Variants in CDC42SE2 observed in about 807,000 individuals in gnomAD.
CDC42SE2 encodes CDC42 small effector 2.
In CDC42SE2, 3 loss-of-function variants were observed where a neutral mutation model predicts 11.5. That is an observed-to-expected ratio of 0.26 (90% CI 0.12 to 0.67). The LOEUF (loss-of-function observed/expected upper bound fraction) is 0.67, where lower values mean the gene tolerates loss of function less well. Among genes scored for constraint, CDC42SE2 ranks in the 30% least tolerant of loss-of-function variants. The probability of loss-of-function intolerance (pLI) is 0.80; values close to 1 mark genes in which losing one functional copy is unlikely to be tolerated. For missense variants in CDC42SE2, 82 were observed against 106.8 expected, an observed-to-expected ratio of 0.77 and a Z score of 1.02; for synonymous variants, 33 against 34.8, an observed-to-expected ratio of 0.95 and a Z score of 0.18.
the CDC42SE2 span, among the ~76,000 whole-genome samples, chr5:131,222,950 C>T: frequency 6.6e-6 from 1 of 152,238 alleles, no homozygotes; most frequent in African/African-American, 2.4e-5. Flanking sequence ...CTCCAGCCCT[C>T]TCACCCTGAA....
intron 1 of CDC42SE2, among the ~76,000 whole-genome samples, chr5:131,297,491 G>A (rs958784617): frequency 2.6e-5 from 4 of 151,978 alleles, no homozygotes; most frequent in Admixed American, 6.6e-5. Flanking sequence ...AGGCCGAGGC[G>A]GGTGGATCAC....
upstream of CDC42SE2, among the ~76,000 whole-genome samples, chr5:131,262,630 C>T (rs574209721): frequency 2.5e-4 from 38 of 152,212 alleles, 1 homozygote; most frequent in Middle Eastern, 6.8e-3. Context: ...GGACCACGAC[C>T]AGTACCAAAA....
intron 2 of CDC42SE2, among the ~76,000 whole-genome samples, chr5:131,344,231 C>T (rs115191011): frequency 0.022 from 3,382 of 152,248 alleles, 129 homozygotes; most frequent in African/African-American, 0.076. Context: ...CGCAGGGGAT[C>T]GGGGAATTCC....
At chr5:131,302,173 A>G (rs1171112869) in intron 1 of CDC42SE2, among the ~76,000 whole-genome samples, 6 of 148,264 alleles carry the variant, frequency 4.0e-5, no homozygotes, top group African/African-American at 1.5e-4. Context: ...CTGCCCGGCT[A>G]AGTTTTGGTT....
At chr5:131,272,133 C>T (rs976447129) in intron 1 of CDC42SE2, among the ~76,000 whole-genome samples, 1 of 152,102 alleles carries the variant, frequency 6.6e-6, no homozygotes. Flanking sequence ...GCCTCAGCCT[C>T]CCGAGTAGCT....
the CDC42SE2 span, among the ~76,000 whole-genome samples, chr5:131,211,067 T>C: frequency 6.6e-6 from 1 of 152,154 alleles, no homozygotes; most frequent in East Asian, 1.9e-4. Flanking sequence ...GAATTCCTGA[T>C]CTCAAGTGAT....
At chr5:131,241,147 T>G (rs909069612), upstream of CDC42SE2, among the ~76,000 whole-genome samples, 1 of 152,002 alleles carries the variant, frequency 6.6e-6, no homozygotes, top group Non-Finnish European at 1.5e-5. Flanking sequence ...CCCAGCTAGT[T>G]TTTTGTATTT....
At chr5:131,321,328 A>G (rs1758182096) in intron 2 of CDC42SE2, among the ~76,000 whole-genome samples, 1 of 152,330 alleles carries the variant, frequency 6.6e-6, no homozygotes, top group South Asian at 2.1e-4. Context: ...TATGATACAA[A>G]TGCAGCCTTT....
At chr5:131,269,583 A>T (rs145437600) in intron 1 of CDC42SE2, among the ~76,000 whole-genome samples, 1 of 151,646 alleles carries the variant, frequency 6.6e-6, no homozygotes, top group Non-Finnish European at 1.5e-5. Context: ...AGCCTGGCCT[A>T]TGAAACCTTG....
intron 1 of CDC42SE2, among the ~76,000 whole-genome samples, chr5:131,287,206 G>A (rs1757359358): frequency 6.6e-6 from 1 of 152,006 alleles, no homozygotes; most frequent in Non-Finnish European, 1.5e-5. Context: ...TGTTGGCCAT[G>A]CTGGTCTCAA....
At chr5:131,287,892 T>C (rs1323492401) in intron 1 of CDC42SE2, among the ~76,000 whole-genome samples, 2 of 152,164 alleles carry the variant, frequency 1.3e-5, no homozygotes, top group Non-Finnish European at 2.9e-5. Context: ...TGAATTAATA[T>C]GTAATTTTTT....
chr5:131,295,837 C>T (rs781235558), intron 1 of CDC42SE2, among the ~76,000 whole-genome samples: 7 of 152,192 alleles, frequency 4.6e-5, no homozygotes, highest in South Asian at 2.1e-4. Context: ...CGCCCGCCAC[C>T]GTGCCCGGCT....
At chr5:131,360,831 C>T (rs1378082375) in intron 3 of CDC42SE2, among the ~76,000 whole-genome samples, 1 of 152,174 alleles carries the variant, frequency 6.6e-6, no homozygotes, top group Non-Finnish European at 1.5e-5. Context: ...TCCCAAAGTG[C>T]TGGGATTACA....
chr5:131,348,303 G>A (rs1186589238), intron 2 of CDC42SE2, among the ~76,000 whole-genome samples: 6 of 152,110 alleles, frequency 3.9e-5, no homozygotes, highest in African/African-American at 7.2e-5. Flanking sequence ...AATGTCTCAC[G>A]ATACAAAATC....
At chr5:131,233,329 C>T in the CDC42SE2 span, among the ~76,000 whole-genome samples, 3 of 151,958 alleles carry the variant, frequency 2.0e-5, no homozygotes, top group African/African-American at 7.3e-5. Context: ...AATCAGTCAC[C>T]TACTATGGAT....
chr5:131,373,199 A>G (rs1004020888), intron 3 of CDC42SE2, among the ~76,000 whole-genome samples: 1 of 152,176 alleles, frequency 6.6e-6, no homozygotes, highest in African/African-American at 2.4e-5. Context: ...CTGAAACCCT[A>G]CTTCACAAGA....
chr5:131,348,053 A>G (rs1758897308), intron 2 of CDC42SE2, among the ~76,000 whole-genome samples: 1 of 152,180 alleles, frequency 6.6e-6, no homozygotes, highest in Non-Finnish European at 1.5e-5. Context: ...GAATGGGCAA[A>G]AACTGGAAGC....
chr5:131,303,698 G>C (rs1283817618), intron 1 of CDC42SE2, among the ~76,000 whole-genome samples: 1 of 152,202 alleles, frequency 6.6e-6, no homozygotes, highest in East Asian at 1.9e-4. Flanking sequence ...TTAGGCAGCA[G>C]TGACAACAGA....
intron 1 of CDC42SE2, among the ~76,000 whole-genome samples, chr5:131,296,084 A>G (rs1430673374): frequency 6.6e-6 from 1 of 152,198 alleles, no homozygotes; most frequent in Non-Finnish European, 1.5e-5. Flanking sequence ...AACACATGGG[A>G]AAACAGACAC....
Sources: gnomAD v4.1 joint callset for allele counts (sites outside exome capture counted in the v4.1 genomes callset) on GRCh38, gnomAD v4.1.1 for gene constraint, MANE v1.5 for transcripts, NCBI Gene and HGNC (gene_info 2026-07-23, HGNC 2026-07-21) for gene names.